Variants in AMOTL1 observed in about 807,000 individuals in gnomAD.
AMOTL1 encodes the protein angiomotin-like protein 1.
Under a neutral mutation model 102.9 loss-of-function variants are expected in AMOTL1, and 45 were observed. The observed-to-expected ratio is 0.44, with a 90% CI of 0.34 to 0.56. The LOEUF is 0.56. AMOTL1 is among the 20% of genes least tolerant of loss of function. The pLI, the probability that AMOTL1 is intolerant of heterozygous loss-of-function variation, is 0.01. For missense variants in AMOTL1, 1,114 were observed against 1,225.6 expected, an observed-to-expected ratio of 0.91 and a Z score of 1.36; for synonymous variants, 481 against 484.7, an observed-to-expected ratio of 0.99 and a Z score of 0.10.
intron 5 of AMOTL1, among the ~76,000 whole-genome samples, chr11:94,830,895 A>T: frequency 6.6e-6 from 1 of 152,268 alleles, no homozygotes; most frequent in Non-Finnish European, 1.5e-5. Context: ...GTTGAGTATC[A>T]TCTGCATCCA....
chr11:94,864,863 A>G lies in AMOTL1; in HGVS notation c.2261+3A>G, dbSNP rs781362896. On this transcript the variant is annotated splice_donor_region_variant and intron_variant, in intron 10 of 12. Transcript: ENST00000433060. Reference sequence around the variant, plus strand: ...AGGTGTCAGGACATGGAATACACGTAAGGGACGACTATGTGTGACGTGTGG... The same window carrying G: ...AGGTGTCAGGACATGGAATACACGTGAGGGACGACTATGTGTGACGTGTGG... 7.4e-6 allele frequency: 12 copies of G among 1,612,620 alleles called. No individual in the cohort carries two copies. The highest frequency in any genetic ancestry group is 9.3e-6 in the Non-Finnish European group (11 of 1,179,108).
intron 6 of AMOTL1, among the ~76,000 whole-genome samples, 182 bp from the exon 7 acceptor site, chr11:94,849,932 G>A (rs1952496119): frequency 6.6e-6 from 1 of 152,180 alleles, no homozygotes; most frequent in African/African-American, 2.4e-5. Context: ...TGTTGACCGT[G>A]GTTTTTGAGA....
chr11:94,710,843 A>G (rs949519520), intron 1 of AMOTL1, among the ~76,000 whole-genome samples: 2 of 152,138 alleles, frequency 1.3e-5, no homozygotes, highest in African/African-American at 2.4e-5. Context: ...ATGAATTGGG[A>G]CCATGTTTTC....
chr11:94,829,584 A>C (rs1004950927), intron 4 of AMOTL1, among the ~76,000 whole-genome samples: 2 of 152,170 alleles, frequency 1.3e-5, no homozygotes, highest in African/African-American at 2.4e-5. Flanking sequence ...AGTGGATTTT[A>C]TGTTCCTTTG....
intron 1 of AMOTL1, among the ~76,000 whole-genome samples, chr11:94,775,557 A>G (rs1951015806): frequency 6.6e-6 from 1 of 152,006 alleles, no homozygotes; most frequent in Admixed American, 6.6e-5. Context: ...TTCTAGACCT[A>G]TGCTGTCTGT....
chr11:94,721,088 T>C (rs1222857674), intron 1 of AMOTL1, among the ~76,000 whole-genome samples: 2 of 152,102 alleles, frequency 1.3e-5, no homozygotes, highest in South Asian at 2.1e-4. Context: ...GCTCTAAGAA[T>C]CTAGGCTTTT....
chr11:94,748,237 G>A (rs1248526530), intron 3 of AMOTL1, among the ~76,000 whole-genome samples: 3 of 152,174 alleles, frequency 2.0e-5, no homozygotes, highest in Admixed American at 2.0e-4. Context: ...GCTTCAGGGT[G>A]CACTATATCC....
chr11:94,759,611 A>G (rs1394260780), intron 3 of AMOTL1, among the ~76,000 whole-genome samples: 1 of 148,382 alleles, frequency 6.7e-6, no homozygotes, highest in African/African-American at 2.5e-5. Context: ...TGCAAAAACC[A>G]GACTTGAATC....
chr11:94,809,222 C>T (rs761017704), intron 3 of AMOTL1, among the ~76,000 whole-genome samples: 55 of 152,176 alleles, frequency 3.6e-4, no homozygotes, highest in Non-Finnish European at 6.6e-4. Flanking sequence ...CCACCCACCT[C>T]GGCCTCCCAA....
upstream of AMOTL1, chr11:94,768,343 G>T: frequency 7.3e-7 from 1 of 1,376,284 alleles, no homozygotes; most frequent in South Asian, 1.7e-5. Context: ...CGGGGAGCGC[G>T]GACGGCGGCG....
chr11:94,840,704 A>T (rs1191573499), intron 6 of AMOTL1, among the ~76,000 whole-genome samples: 1 of 147,098 alleles, frequency 6.8e-6, no homozygotes, highest in African/African-American at 2.5e-5. Flanking sequence ...ACACACACAC[A>T]CACATATATA....
intron 3 of AMOTL1, among the ~76,000 whole-genome samples, chr11:94,748,375 T>C (rs1363112137): frequency 6.6e-6 from 1 of 152,224 alleles, no homozygotes; most frequent in African/African-American, 2.4e-5. Flanking sequence ...ACACATCTAA[T>C]GGTGTTCACT....
At chr11:94,749,238 G>A (rs72971740) in intron 3 of AMOTL1, among the ~76,000 whole-genome samples, 1 of 152,338 alleles carries the variant, frequency 6.6e-6, no homozygotes, top group Non-Finnish European at 1.5e-5. Context: ...GTAACCACTG[G>A]TGCGAGTACT....
intron 6 of AMOTL1, among the ~76,000 whole-genome samples, chr11:94,838,965 G>T (rs1285270691): frequency 1.3e-5 from 2 of 152,188 alleles, no homozygotes; most frequent in East Asian, 1.9e-4. Flanking sequence ...GCCTCTCCCA[G>T]TGGTGCCATA....
chr11:94,874,813 C>T lies in AMOTL1; in HGVS notation c.*4018C>T, dbSNP rs2135755152. 1.3e-5 allele frequency: 2 copies of T among 152,258 alleles called. 1 individual carries two copies. Among genetic ancestry groups the T allele is most frequent in the Middle Eastern group, 6.8e-3 (2 of 294 alleles). 9.4% of individuals were successfully genotyped at this position (152,258 alleles called of 1,614,324 possible). A position where few individuals can be genotyped will look rare whatever the true frequency, so the allele number is the denominator to read the frequency against. On this transcript the variant is annotated 3_prime_UTR_variant, in exon 13 of 13. Coordinates refer to ENST00000433060, the MANE Select transcript of AMOTL1 (RefSeq NM_130847.3). ...GGATAATAGATTGGGGCATTAAAAG[C>T]TTTTGAGGCAGGGGGCTCATGTTTT...
intron 1 of AMOTL1, among the ~76,000 whole-genome samples, chr11:94,775,575 A>G (rs1951016129): frequency 6.6e-6 from 1 of 152,034 alleles, no homozygotes; most frequent in African/African-American, 2.4e-5. Context: ...TGTAGTAACC[A>G]CTAGTCACTT....
At chr11:94,764,602 T>C (rs1346340764), upstream of AMOTL1, among the ~76,000 whole-genome samples, 1 of 152,226 alleles carries the variant, frequency 6.6e-6, no homozygotes, top group Non-Finnish European at 1.5e-5. Context: ...GTAGTCATGT[T>C]CATCCACTCT....
intron 1 of AMOTL1, among the ~76,000 whole-genome samples, chr11:94,792,251 A>G (rs1411149223): frequency 6.6e-6 from 1 of 152,218 alleles, no homozygotes; most frequent in Non-Finnish European, 1.5e-5. Context: ...GTTCTCACTC[A>G]TAGGTGGGAA....
At chr11:94,846,713 A>G (rs1422313830) in intron 6 of AMOTL1, among the ~76,000 whole-genome samples, 2 of 152,212 alleles carry the variant, frequency 1.3e-5, no homozygotes, top group Admixed American at 1.3e-4. Flanking sequence ...GAGGAGGGGC[A>G]GTACAGGGCT....
Sources: gnomAD v4.1 joint callset for allele counts (sites outside exome capture counted in the v4.1 genomes callset) on GRCh38, gnomAD v4.1.1 for gene constraint, MANE v1.5 for transcripts, NCBI Gene and HGNC (gene_info 2026-07-23, HGNC 2026-07-21) for gene names.